The following DROSHA variants were observed in gnomAD, a reference collection of about 807,000 sequenced individuals.
DROSHA encodes ribonuclease 3.
DROSHA carries 56 observed loss-of-function variants against 181.9 expected under a neutral mutation model. That is an observed-to-expected ratio of 0.31 (90% confidence interval 0.25 to 0.38). DROSHA has a LOEUF of 0.38. Ranked by LOEUF, DROSHA falls within the 10% of genes least tolerant of loss-of-function variation. DROSHA has a pLI of 1.00. For missense variants in DROSHA, 1,218 were observed against 1,743.5 expected, an observed-to-expected ratio of 0.70 and a Z score of 5.37; for synonymous variants, 524 against 591.2, an observed-to-expected ratio of 0.89 and a Z score of 1.65.
intron 16 of DROSHA, among the ~76,000 whole-genome samples, chr5:31,476,774 G>T (rs1750416973): frequency 6.6e-6 from 1 of 152,104 alleles, no homozygotes; most frequent in Non-Finnish European, 1.5e-5. Flanking sequence ...GAGCCCACAG[G>T]GCATGGGCTA....
intron 20 of DROSHA, among the ~76,000 whole-genome samples, chr5:31,461,239 G>T (rs1201625253): frequency 6.6e-6 from 1 of 152,062 alleles, no homozygotes; most frequent in East Asian, 1.9e-4. Context: ...GAATTTCAAG[G>T]TTAAAAAAAT....
In DROSHA at chr5:31,422,930, A is replaced by G. The variant is rs371709358; in HGVS notation, c.3276T>C (p.Asn1092=). 6.3e-7 allele frequency: 1 copy of G among 1,591,284 alleles called. No individual in the cohort carries two copies. Among genetic ancestry groups the G allele is most frequent in the African/African-American group, 1.4e-5 (1 of 73,510 alleles). The stretch of plus-strand genomic sequence containing the variant: ...AAGTTTCAATAAGTTGTCGATCAGT[A>G]TTTGGCTCTTGTAGCTACAGGAAAA... ...PLHPLQLQEP[N]TDRQLIETSP... The change falls in exon 29 of 36, where the codon AAT becomes AAC. Residue 1092 remains asparagine, a synonymous_variant. Coordinates refer to ENST00000344624, the MANE Select transcript of DROSHA (RefSeq NM_001382508.1).
At position 31,472,354 on chromosome 5, in the gene DROSHA, A is replaced by G. The variant is rs1001766186; in HGVS notation, c.2072-122T>C. ...GGAAAAAGAGCACATACAAAAAGGTAATGTAAAATTTACACTGTTTAACCA... is the reference window on the plus strand; with the variant it reads ...GGAAAAAGAGCACATACAAAAAGGTGATGTAAAATTTACACTGTTTAACCA... On this transcript the variant is annotated intron_variant, in intron 16 of 35. Transcript: ENST00000344624. 3 of 1,206,238 alleles carry G rather than the reference A, an allele frequency of 2.5e-6. No homozygotes were observed. In the African/African-American group the frequency reaches 4.6e-5, roughly 19 times the overall value. 74.7% of individuals were successfully genotyped at this position (1,206,238 alleles called of 1,614,324 possible).
intron 13 of DROSHA, chr5:31,489,126 G>A (rs1256302164): frequency 2.0e-5 from 3 of 152,150 alleles, no homozygotes; most frequent in Non-Finnish European, 4.4e-5. Flanking sequence ...ACATGTCACA[G>A]CTATTAATAT....
intron 23 of DROSHA, among the ~76,000 whole-genome samples, chr5:31,446,970 G>T (rs1248941330): frequency 6.6e-6 from 1 of 152,170 alleles, no homozygotes; most frequent in African/African-American, 2.4e-5. Context: ...AACCCAGGAG[G>T]CGGAGGTTGC....
chr5:31,523,137 T>C (rs543301737), intron 5 of DROSHA, among the ~76,000 whole-genome samples: 2 of 152,342 alleles, frequency 1.3e-5, no homozygotes, highest in Admixed American at 1.3e-4. Flanking sequence ...ATATTAGGAC[T>C]TCATGTGCTC....
Position 31,515,577 on chromosome 5 carries a change from G to A in DROSHA, c.948-13C>T. 1 of 1,551,182 alleles carries A rather than the reference G, an allele frequency of 6.4e-7. No homozygotes were observed. The highest frequency in any genetic ancestry group is 8.7e-7 in the Non-Finnish European group (1 of 1,146,800). On this transcript the variant is annotated splice_polypyrimidine_tract_variant and intron_variant, in intron 6 of 35. Coordinates refer to ENST00000344624, the MANE Select transcript of DROSHA (RefSeq NM_001382508.1). The stretch of plus-strand genomic sequence containing the variant: ...TAAACCGTAACTCCTAAAAGAAAAA[G>A]ATATTTGCAAAATGTTTGGAAATGT...
At chr5:31,465,450 A>G (rs1342044296) in intron 19 of DROSHA, among the ~76,000 whole-genome samples, 3 of 152,188 alleles carry the variant, frequency 2.0e-5, no homozygotes, top group Non-Finnish European at 4.4e-5. Flanking sequence ...GTAAGGCCCA[A>G]TGTTGTATAA....
chr5:31,409,658 C>G lies in DROSHA; in HGVS notation c.3668-326G>C, dbSNP rs1741059760. The G allele has an allele frequency of 2.0e-5, 4 of 204,734 alleles. No homozygotes were observed. Among genetic ancestry groups the G allele is most frequent in the Non-Finnish European group, 4.0e-5 (4 of 100,082 alleles). The allele number at this position is 204,734 out of a possible 1,614,324, so 12.7% of individuals were successfully genotyped here. On this transcript the variant is annotated intron_variant, in intron 31 of 35. Transcript: ENST00000344624. This position sits in a 1 kb window ranked among gnomAD's most constrained non-coding sequence, Gnocchi z 4.0. ...CCAACCCTGTTCACATCAAATAAGT[C>G]AAAATATTACTTGAAGATTAGATAT... is the stretch of plus-strand genomic sequence containing the variant.
intron 27 of DROSHA, among the ~76,000 whole-genome samples, chr5:31,425,816 C>A (rs1743396270): frequency 6.6e-6 from 1 of 152,114 alleles, no homozygotes; most frequent in African/African-American, 2.4e-5. Flanking sequence ...CTGATTCCAT[C>A]TTGGCAAGTG....
intron 23 of DROSHA, among the ~76,000 whole-genome samples, chr5:31,445,080 T>G (rs755061116): frequency 1.3e-5 from 2 of 152,212 alleles, no homozygotes; most frequent in Non-Finnish European, 2.9e-5. Flanking sequence ...CTGCCCACCT[T>G]TAATCAATCT....
chr5:31,429,560 G>A lies in DROSHA; in HGVS notation c.3146-15C>T. 3 of 1,607,958 alleles carry A rather than the reference G, an allele frequency of 1.9e-6. No individual in the cohort carries two copies. Among genetic ancestry groups the A allele is most frequent in the Non-Finnish European group, 2.5e-6 (3 of 1,176,836 alleles). On this transcript the variant is annotated splice_polypyrimidine_tract_variant and intron_variant, in intron 26 of 35. Transcript: ENST00000344624. Reference sequence around the variant, plus strand: ...GTAAACAGCTCCTAGATGAAAAACAGAGAATGCCAAAAGAGAGTCTCCATC... The same window carrying A: ...GTAAACAGCTCCTAGATGAAAAACAAAGAATGCCAAAAGAGAGTCTCCATC...
chr5:31,456,546 C>T (rs1190307567), intron 20 of DROSHA, among the ~76,000 whole-genome samples: 1 of 151,162 alleles, frequency 6.6e-6, no homozygotes, highest in Non-Finnish European at 1.5e-5. Context: ...TGTAATTATA[C>T]TATAAAGTTG....
chr5:31,502,182 T>C (rs780135241), intron 11 of DROSHA, among the ~76,000 whole-genome samples: 16 of 152,182 alleles, frequency 1.1e-4, no homozygotes, highest in Non-Finnish European at 2.2e-4. Context: ...ACAAACAGCA[T>C]CAACAGCTGC....
At position 31,486,520 on chromosome 5, in the gene DROSHA, T is replaced by C. The variant is rs1379719350; in HGVS notation, c.1885A>G (p.Ile629Val). The C allele has an allele frequency of 1.2e-6, 2 of 1,613,804 alleles. No homozygotes were observed. The highest frequency in any genetic ancestry group is 4.5e-5 in the East Asian group (2 of 44,870). ...GGCATCATCTCTTCAATGAAATGAA[T>C]CGTGTAGTCTATGTTGAATCTAATT... ...KVIRFNIDYT[I>V]HFIEEMMPEN... The change falls in exon 14 of 36, where the codon ATT (isoleucine) becomes GTT (valine). Residue 629 changes from isoleucine (I) to valine (V), a missense_variant. Coordinates refer to ENST00000344624, the MANE Select transcript of DROSHA (RefSeq NM_001382508.1).
rs1477321143 is a variant in DROSHA at position 31,435,750 on chromosome 5, A to G, written c.3042+15T>C. Reference sequence around the variant, plus strand: ...TGTCAGACGTAACTACAAATGCTGCAGATGTCTTCTATACCTTTGCTAGCA... The same window carrying G: ...TGTCAGACGTAACTACAAATGCTGCGGATGTCTTCTATACCTTTGCTAGCA... On this transcript the variant is annotated intron_variant, in intron 25 of 35. Transcript: ENST00000344624. The G allele has an allele frequency of 2.5e-6, 4 of 1,609,308 alleles. No homozygotes were observed. The highest frequency in any genetic ancestry group is 1.7e-5 in the Admixed American group (1 of 59,344).
chr5:31,446,794 C>A (rs1370440269), intron 23 of DROSHA, among the ~76,000 whole-genome samples: 1 of 151,962 alleles, frequency 6.6e-6, no homozygotes, highest in Non-Finnish European at 1.5e-5. Context: ...AATCCCAGCA[C>A]TTTGGGAGCC....
intron 12 of DROSHA, among the ~76,000 whole-genome samples, chr5:31,494,699 T>C (rs1281510964): frequency 6.6e-6 from 1 of 152,114 alleles, no homozygotes; most frequent in African/African-American, 2.4e-5. Context: ...AAAAAATTTT[T>C]TTTTTTGAGA....
At chr5:31,422,392 AG>A (rs1338789705) in intron 29 of DROSHA, among the ~76,000 whole-genome samples, 5 of 152,180 alleles carry the variant, frequency 3.3e-5, no homozygotes, top group African/African-American at 1.2e-4. Context: ...CTAAGAATAA[AG>A]TTTTACTGGA....
Sources: allele counts gnomAD v4.1 joint callset (sites outside exome capture counted in the v4.1 genomes callset), GRCh38; gene constraint gnomAD v4.1.1; non-coding constraint Gnocchi (gnomAD v3.1); transcripts MANE v1.5; gene names NCBI Gene and HGNC (gene_info 2026-07-23, HGNC 2026-07-21).